SLC8A1: variants seen among roughly 807,000 people sequenced by gnomAD.
The protein encoded by SLC8A1 is solute carrier family 8 member A1.
A neutral mutation model predicts 68.3 loss-of-function variants in SLC8A1; 18 were observed. The ratio of observed to expected loss-of-function variants is 0.26; its 90% CI spans 0.18 to 0.39. SLC8A1 has a LOEUF of 0.39. Among genes scored for constraint, SLC8A1 ranks in the 10% least tolerant of loss-of-function variants. SLC8A1 has a pLI of 1.00. For missense variants in SLC8A1, 985 were observed against 1,156.7 expected, an observed-to-expected ratio of 0.85 and a Z score of 2.15; for synonymous variants, 475 against 415.5, an observed-to-expected ratio of 1.14 and a Z score of -1.74.
At chr2:40,166,304 G>A (rs1355810364) in intron 4 of SLC8A1, among the ~76,000 whole-genome samples, 1 of 152,122 alleles carries the variant, frequency 6.6e-6, no homozygotes, top group African/African-American at 2.4e-5. Context: ...TGAGCTAGAG[G>A]CAGTGCCAGC....
At chr2:40,469,667 T>C (rs772555973) in intron 1 of SLC8A1, among the ~76,000 whole-genome samples, 10 of 152,310 alleles carry the variant, frequency 6.6e-5, no homozygotes, top group East Asian at 5.8e-4. Flanking sequence ...CATTCTGGAA[T>C]TTGCTGATTG....
chr2:40,463,375 T>A (rs1703455928), intron 1 of SLC8A1, among the ~76,000 whole-genome samples: 1 of 152,198 alleles, frequency 6.6e-6, no homozygotes, highest in South Asian at 2.1e-4. Context: ...TAGTACGTGT[T>A]GAACTTGTCG....
intron 2 of SLC8A1, among the ~76,000 whole-genome samples, chr2:40,366,380 G>A (rs913108074): frequency 6.6e-6 from 1 of 152,038 alleles, no homozygotes; most frequent in African/African-American, 2.4e-5. Context: ...GATCTTGGAA[G>A]AAGTTACTTC....
At chr2:40,456,720 A>G (rs941352752), upstream of SLC8A1, among the ~76,000 whole-genome samples, 5 of 152,202 alleles carry the variant, frequency 3.3e-5, no homozygotes, top group Non-Finnish European at 7.4e-5. Flanking sequence ...AGCAAACGAT[A>G]TTGCTGTTAT....
At chr2:40,399,293 G>A (rs1488329961) in intron 2 of SLC8A1, among the ~76,000 whole-genome samples, 1 of 150,968 alleles carries the variant, frequency 6.6e-6, no homozygotes, top group Non-Finnish European at 1.5e-5. Context: ...ACTGTTTTGT[G>A]AGGGCCTCCT....
intron 2 of SLC8A1, among the ~76,000 whole-genome samples, chr2:40,239,100 T>C (rs1206690947): frequency 6.6e-6 from 1 of 151,900 alleles, no homozygotes; most frequent in Non-Finnish European, 1.5e-5. Context: ...TTAGTAAAGT[T>C]TGCCAACTAG....
intron 2 of SLC8A1, among the ~76,000 whole-genome samples, chr2:40,423,807 T>C (rs888951307): frequency 1.3e-5 from 2 of 152,092 alleles, no homozygotes; most frequent in Admixed American, 6.5e-5. Context: ...TCTTATCCTA[T>C]CTTATTTTTA....
chr2:40,312,755 A>G (rs1575307658), intron 2 of SLC8A1, among the ~76,000 whole-genome samples: 1 of 152,140 alleles, frequency 6.6e-6, no homozygotes, highest in African/African-American at 2.4e-5. Context: ...ATGGTGTGCC[A>G]GATATAATGC....
intron 2 of SLC8A1, among the ~76,000 whole-genome samples, chr2:40,393,351 T>C (rs920990156): frequency 1.3e-5 from 2 of 152,132 alleles, no homozygotes; most frequent in Non-Finnish European, 2.9e-5. Flanking sequence ...TAGCAATCTA[T>C]GTTTATGGTT....
exon 8 of SLC8A1, chr2:40,104,565 A>T (rs2034082850): frequency 6.6e-6 from 1 of 152,198 alleles, no homozygotes; most frequent in Admixed American, 6.5e-5. Context: ...TCTCAAATTG[A>T]TAAAATGTAG....
At chr2:40,473,958 C>A (rs1237861667) in intron 1 of SLC8A1, among the ~76,000 whole-genome samples, 2 of 152,186 alleles carry the variant, frequency 1.3e-5, no homozygotes, top group East Asian at 3.9e-4. Context: ...CATTTAGTAT[C>A]GAAAACTTGC....
intron 7 of SLC8A1, among the ~76,000 whole-genome samples, chr2:40,133,864 G>A (rs1308562835): frequency 6.6e-6 from 1 of 152,130 alleles, no homozygotes; most frequent in Non-Finnish European, 1.5e-5. Flanking sequence ...ATATACCCAA[G>A]GCTTATCCAA....
intron 2 of SLC8A1, among the ~76,000 whole-genome samples, chr2:40,378,953 C>T (rs1680830468): frequency 6.6e-6 from 1 of 152,098 alleles, no homozygotes; most frequent in Admixed American, 6.6e-5. Flanking sequence ...GCATTTATCA[C>T]CACTTTACAA....
chr2:40,191,377 A>T (rs541842831), intron 2 of SLC8A1, among the ~76,000 whole-genome samples: 6 of 152,216 alleles, frequency 3.9e-5, no homozygotes, highest in Non-Finnish European at 8.8e-5. Context: ...TCTTGATAGA[A>T]GGGATCCAAA....
At chr2:40,368,933 G>A (rs1230899199) in intron 2 of SLC8A1, among the ~76,000 whole-genome samples, 3 of 96,474 alleles carry the variant, frequency 3.1e-5, no homozygotes, top group East Asian at 2.2e-4. Flanking sequence ...AAACAGCAGT[G>A]AGAAAATAAT....
intron 2 of SLC8A1, among the ~76,000 whole-genome samples, chr2:40,210,830 C>G (rs955956283): frequency 1.3e-5 from 2 of 152,170 alleles, no homozygotes; most frequent in Non-Finnish European, 2.9e-5. Context: ...CAGTTTACTT[C>G]TTGGAAGGCC....
intron 1 of SLC8A1, among the ~76,000 whole-genome samples, chr2:40,444,689 A>G (rs1442723650): frequency 1.3e-5 from 2 of 152,052 alleles, no homozygotes; most frequent in Non-Finnish European, 2.9e-5. Context: ...AAATTACTGG[A>G]AAAAAAAGAA....
chr2:40,439,372 A>G (rs1051608435), intron 1 of SLC8A1, among the ~76,000 whole-genome samples: 2 of 152,122 alleles, frequency 1.3e-5, no homozygotes, highest in Non-Finnish European at 2.9e-5. Context: ...ATGAACCCCA[A>G]AATGAAGTAC....
chr2:40,387,853 T>C (rs2192776), intron 2 of SLC8A1, among the ~76,000 whole-genome samples: 108,761 of 149,518 alleles, frequency 0.73, 40,966 homozygotes, highest in African/African-American at 0.93. Flanking sequence ...ATGAGAATTG[T>C]TTGAACCTGG....
Sources: gnomAD v4.1 joint callset for allele counts (sites outside exome capture counted in the v4.1 genomes callset) on GRCh38, gnomAD v4.1.1 for gene constraint, MANE v1.5 for transcripts, NCBI Gene and HGNC (gene_info 2026-07-23, HGNC 2026-07-21) for gene names.